Variants in NELL1 observed in about 807,000 individuals in gnomAD.
NELL1 encodes protein kinase C-binding protein NELL1.
A neutral mutation model predicts 107.4 loss-of-function variants in NELL1; 76 were observed. That is an observed-to-expected ratio of 0.71 (90% CI 0.59 to 0.86). The LOEUF is 0.86. Ranked by LOEUF, NELL1 falls within the 40% of genes least tolerant of loss-of-function variation. The probability of loss-of-function intolerance (pLI) is 0.00; values close to 1 mark genes in which losing one functional copy is unlikely to be tolerated. For synonymous variants in NELL1, 353 were observed against 341.2 expected (o/e 1.03, Z -0.38); for missense variants, 1,024 against 1,005.5 (o/e 1.02, Z -0.25).
intron 15 of NELL1, among the ~76,000 whole-genome samples, chr11:21,450,211 A>T (rs576385652): frequency 4.7e-4 from 72 of 152,344 alleles, no homozygotes; most frequent in African/African-American, 1.7e-3. Flanking sequence ...AACTCTTTTA[A>T]TCTGATAGCA....
chr11:21,362,974 T>C (rs1454504767), intron 14 of NELL1, among the ~76,000 whole-genome samples: 5 of 142,772 alleles, frequency 3.5e-5, no homozygotes, highest in African/African-American at 7.7e-5. Flanking sequence ...TAGCGAGAGG[T>C]CTCACCCAGC....
At chr11:21,108,960 T>C (rs967038453) in intron 12 of NELL1, among the ~76,000 whole-genome samples, 3 of 152,072 alleles carry the variant, frequency 2.0e-5, no homozygotes, top group African/African-American at 7.2e-5. Context: ...ACAGCGAACA[T>C]AATCATAGCA....
chr11:21,303,558 TG>T (rs1383445819), intron 14 of NELL1, among the ~76,000 whole-genome samples: 1 of 152,030 alleles, frequency 6.6e-6, no homozygotes, highest in Non-Finnish European at 1.5e-5. Flanking sequence ...GCACTGTTAG[TG>T]GGAATGTAAA....
chr11:20,992,177 A>G (rs1851990312), intron 12 of NELL1, among the ~76,000 whole-genome samples: 2 of 152,126 alleles, frequency 1.3e-5, no homozygotes, highest in Admixed American at 1.3e-4. Context: ...AGGCCAGGAG[A>G]CTGTTTCAAT....
rs188108262 is a variant in NELL1 at position 21,161,205 on chromosome 11, T to C, written c.1426+47491T>C. 2.5e-3 allele frequency among the ~76,000 whole-genome samples: 382 copies of C among 152,294 alleles called. 2 individuals are homozygous for C. Among genetic ancestry groups the C allele is most frequent in the African/African-American group, 8.6e-3 (356 of 41,558 alleles). ...ATCTCTTCCCTTGCATCTGGGCTATTATTTATTTCTTTTGGTCATCATTTC... is the reference window on the plus strand; with the variant it reads ...ATCTCTTCCCTTGCATCTGGGCTATCATTTATTTCTTTTGGTCATCATTTC... On this transcript the variant is annotated intron_variant, in intron 13 of 19. Transcript: ENST00000357134.
At chr11:21,145,152 T>C (rs1257983258) in intron 13 of NELL1, among the ~76,000 whole-genome samples, 1 of 152,206 alleles carries the variant, frequency 6.6e-6, no homozygotes, top group Non-Finnish European at 1.5e-5. Context: ...TATCATTTCT[T>C]GTGTGCCAAG....
At chr11:21,270,930 C>G (rs571869861) in intron 14 of NELL1, among the ~76,000 whole-genome samples, 31 of 151,832 alleles carry the variant, frequency 2.0e-4, no homozygotes, top group Non-Finnish European at 3.7e-4. Context: ...ACCTATGGGT[C>G]AAAACAGAAA....
intron 15 of NELL1, among the ~76,000 whole-genome samples, chr11:21,408,052 G>T (rs1012650600): frequency 6.6e-6 from 1 of 151,834 alleles, no homozygotes; most frequent in Non-Finnish European, 1.5e-5. Flanking sequence ...ACATAGAGGG[G>T]TGGCAAGTGC....
intron 12 of NELL1, among the ~76,000 whole-genome samples, chr11:20,981,637 T>C (rs1051031054): frequency 2.0e-5 from 3 of 152,200 alleles, no homozygotes; most frequent in African/African-American, 7.2e-5. Flanking sequence ...ACAAGTGCAG[T>C]TAAGCCTAAA....
intron 14 of NELL1, among the ~76,000 whole-genome samples, chr11:21,310,764 G>A (rs1849733250): frequency 1.3e-5 from 2 of 152,026 alleles, no homozygotes; most frequent in African/African-American, 4.8e-5. Flanking sequence ...GCTTGTTGAT[G>A]CTATGCAGGT....
chr11:21,562,076 C>T (rs147646782), intron 17 of NELL1, among the ~76,000 whole-genome samples: 2 of 152,026 alleles, frequency 1.3e-5, no homozygotes, highest in Non-Finnish European at 2.9e-5. Context: ...GTCCCCAGTC[C>T]CTGGAATAGG....
chr11:20,672,077 C>G (rs1853926977), intron 1 of NELL1, among the ~76,000 whole-genome samples: 1 of 152,244 alleles, frequency 6.6e-6, no homozygotes, highest in Non-Finnish European at 1.5e-5. Context: ...TTCTTCTACA[C>G]ACATTATCGG....
In NELL1 at chr11:20,959,236, G is replaced by A. The variant is rs368812042; in HGVS notation, c.1172-1196G>A. ...TGCTGGTGGGAATGTAAACTAGCAC[G>A]ACCACCATGGAAAACAGTGTGGAGA... On this transcript the variant is annotated intron_variant, in intron 11 of 19. Transcript: ENST00000357134. Among the ~76,000 whole-genome samples, 9 of 152,252 alleles carry A rather than the reference G, an allele frequency of 5.9e-5. No homozygotes were observed. The South Asian group carries it at 8.3e-4, about 14-fold the overall frequency.
At chr11:21,171,633 G>A (rs925149168) in intron 13 of NELL1, among the ~76,000 whole-genome samples, 17 of 151,760 alleles carry the variant, frequency 1.1e-4, no homozygotes, top group Admixed American at 9.2e-4. Context: ...AGCCACTGAA[G>A]CTTGGGCTCC....
Position 21,566,833 on chromosome 11 carries a change from G to T in NELL1, c.1981-3931G>T, listed in dbSNP as rs554743589. 4.6e-5 allele frequency among the ~76,000 whole-genome samples: 7 copies of T among 151,826 alleles called. No homozygotes were observed. In the South Asian group the frequency reaches 1.2e-3, roughly 27 times the overall value. ...CTGTGACATTTTCATTATTAAAAAT[G>T]ATTTTCTTGACAGTTACCCTGTAAT... On this transcript the variant is annotated intron_variant, in intron 17 of 19. Transcript: ENST00000357134.
intron 12 of NELL1, among the ~76,000 whole-genome samples, chr11:21,040,401 G>T (rs905106876): frequency 1.3e-5 from 2 of 152,076 alleles, no homozygotes; most frequent in Admixed American, 6.6e-5. Context: ...GGAAATTGCT[G>T]TATTAATTAA....
At chr11:20,674,296 CCAGGGAG>C (rs1349741513) in intron 1 of NELL1, among the ~76,000 whole-genome samples, 1 of 152,002 alleles carries the variant, frequency 6.6e-6, no homozygotes, top group Non-Finnish European at 1.5e-5. Flanking sequence ...GAATTGAGGA[CCAGGGAG>C]CTGGAGTGGT....
chr11:21,536,523 TCTG>T lies in NELL1; in HGVS notation c.1786+2012_1786+2014del, dbSNP rs554659741. Among the ~76,000 whole-genome samples, 11 of 152,306 alleles carry T rather than the reference TCTG, an allele frequency of 7.2e-5. No homozygotes were observed. In the South Asian group the frequency reaches 2.3e-3, roughly 32 times the overall value. On this transcript the variant is annotated intron_variant, in intron 16 of 19. Transcript: ENST00000357134. ...TTCCAAAGACTTGTCACTCCTTTCT[TCTG>T]CTAACTCTAGATCTATCTTTTTCCT... is the stretch of plus-strand genomic sequence containing the variant.
chr11:21,098,959 AATT>A (rs368758404), intron 12 of NELL1, among the ~76,000 whole-genome samples: 20 of 151,704 alleles, frequency 1.3e-4, no homozygotes, highest in East Asian at 5.8e-4. Context: ...ACCTTCAGAA[AATT>A]ATTATTATTA....
Sources: gnomAD v4.1 joint callset for allele counts (sites outside exome capture counted in the v4.1 genomes callset) on GRCh38, gnomAD v4.1.1 for gene constraint, MANE v1.5 for transcripts, NCBI Gene and HGNC (gene_info 2026-07-23, HGNC 2026-07-21) for gene names.